PHF24: variants seen among roughly 807,000 people sequenced by gnomAD.
PHF24 encodes Galpha inhibitory interacting protein.
Under a neutral mutation model 42.6 loss-of-function variants are expected in PHF24, and 25 were observed. The observed-to-expected ratio is 0.59, with a 90% confidence interval of 0.43 to 0.82. PHF24 has a LOEUF of 0.82. Ranked by LOEUF, PHF24 falls within the 40% of genes least tolerant of loss-of-function variation. The pLI is 0.00. For synonymous variants in PHF24, 185 were observed against 204.8 expected, an observed-to-expected ratio of 0.90 and a Z score of 0.83; for missense variants, 470 against 538.1, an observed-to-expected ratio of 0.87 and a Z score of 1.25.
the PHF24 span, among the ~76,000 whole-genome samples, chr9:34,882,514 G>A: frequency 1.3e-5 from 2 of 152,004 alleles, no homozygotes; most frequent in Non-Finnish European, 2.9e-5. Flanking sequence ...CTTCAGCAAA[G>A]TCTCAGAATA....
the PHF24 span, among the ~76,000 whole-genome samples, chr9:34,844,267 G>C: frequency 6.6e-6 from 1 of 151,334 alleles, no homozygotes; most frequent in East Asian, 1.9e-4. Context: ...ATTTTTTGTT[G>C]TTTTTCTAGT....
At chr9:34,901,337 T>C in the PHF24 span, among the ~76,000 whole-genome samples, 1 of 152,182 alleles carries the variant, frequency 6.6e-6, no homozygotes, top group East Asian at 1.9e-4. Flanking sequence ...AATGCAAAAG[T>C]TCTTAACATT....
At chr9:34,932,166 TACC>T in the PHF24 span, among the ~76,000 whole-genome samples, 1 of 152,168 alleles carries the variant, frequency 6.6e-6, no homozygotes, top group African/African-American at 2.4e-5. Context: ...CTATCATCTG[TACC>T]TGCTTTTTTC....
At chr9:34,810,072 C>T in the PHF24 span, among the ~76,000 whole-genome samples, 2 of 151,958 alleles carry the variant, frequency 1.3e-5, no homozygotes, top group African/African-American at 4.8e-5. Context: ...TGCATGCTGT[C>T]CGCCCTCAGC....
chr9:34,895,132 C>A, the PHF24 span: 1 of 398,486 alleles, frequency 2.5e-6, no homozygotes, highest in Non-Finnish European at 4.4e-6. Context: ...CCATTTTTTC[C>A]CATATCTAAA....
the PHF24 span, among the ~76,000 whole-genome samples, chr9:34,687,579 G>C: frequency 1.6e-4 from 25 of 152,334 alleles, no homozygotes; most frequent in African/African-American, 6.0e-4. Flanking sequence ...TGGCGGCAGT[G>C]TCATGGAGGT....
chr9:34,760,628 G>T, the PHF24 span, among the ~76,000 whole-genome samples: 1 of 152,144 alleles, frequency 6.6e-6, no homozygotes. Context: ...AGCGGTAGAC[G>T]GCAGCCAGAG....
chr9:34,973,069 C>T (rs1405957655), intron 3 of PHF24, among the ~76,000 whole-genome samples: 45 of 152,136 alleles, frequency 3.0e-4, no homozygotes, highest in Non-Finnish European at 1.0e-4. Context: ...TGGCCTTAAT[C>T]CCCTAGATGC....
At chr9:34,813,090 G>A in the PHF24 span, among the ~76,000 whole-genome samples, 1 of 152,176 alleles carries the variant, frequency 6.6e-6, no homozygotes, top group African/African-American at 2.4e-5. Flanking sequence ...TTCCTGCCTA[G>A]GGCTTCAGAT....
the PHF24 span, chr9:34,895,757 C>CT: frequency 2.0e-5 from 8 of 401,626 alleles, no homozygotes; most frequent in East Asian, 7.1e-5. Flanking sequence ...TCTCCCTAGT[C>CT]TTTCACTGTC....
At chr9:34,722,227 G>C in the PHF24 span, among the ~76,000 whole-genome samples, 1 of 152,138 alleles carries the variant, frequency 6.6e-6, no homozygotes, top group Non-Finnish European at 1.5e-5. Flanking sequence ...CAGTAGAGAG[G>C]GTGAGAAGTG....
At chr9:34,957,184 T>C (rs2132834757), upstream of PHF24, among the ~76,000 whole-genome samples, 1 of 152,330 alleles carries the variant, frequency 6.6e-6, no homozygotes, top group African/African-American at 2.4e-5. Context: ...TATTGGTAAA[T>C]TCCATGTTAA....
At chr9:34,967,560 G>T (rs1394387440) in intron 1 of PHF24, among the ~76,000 whole-genome samples, 1 of 152,180 alleles carries the variant, frequency 6.6e-6, no homozygotes, top group Non-Finnish European at 1.5e-5. Context: ...ATAAAAATAT[G>T]CTCAAATAAA....
chr9:34,672,216 C>T, the PHF24 span, among the ~76,000 whole-genome samples: 2 of 152,112 alleles, frequency 1.3e-5, no homozygotes, highest in Non-Finnish European at 2.9e-5. Flanking sequence ...GGGCTGTCAG[C>T]TACAGTGCTC....
At chr9:34,941,681 C>T in the PHF24 span, among the ~76,000 whole-genome samples, 3,855 of 152,180 alleles carry the variant, frequency 0.025, 143 homozygotes, top group African/African-American at 0.086. Flanking sequence ...TGGTGAGGAC[C>T]CTATTTTTCC....
At chr9:34,938,259 G>T in the PHF24 span, among the ~76,000 whole-genome samples, 1 of 152,232 alleles carries the variant, frequency 6.6e-6, no homozygotes, top group Non-Finnish European at 1.5e-5. Context: ...GTGAGGGGAA[G>T]TTCAGCAAAG....
chr9:34,692,239 C>T, the PHF24 span, among the ~76,000 whole-genome samples: 7 of 152,230 alleles, frequency 4.6e-5, no homozygotes, highest in Middle Eastern at 3.4e-3. Flanking sequence ...TAGCTTCTTT[C>T]CATTCATTAA....
At chr9:34,709,297 G>C in the PHF24 span, 37 of 1,452,024 alleles carry the variant, frequency 2.5e-5, no homozygotes, top group Non-Finnish European at 2.9e-5. Context: ...GGCTGCTCCA[G>C]GGCCCCTGAG....
the PHF24 span, among the ~76,000 whole-genome samples, chr9:34,874,697 A>G: frequency 2.0e-5 from 3 of 152,208 alleles, no homozygotes; most frequent in Admixed American, 2.0e-4. Context: ...GCAGGTCAGA[A>G]AGGATCAGCC....
Sources: allele counts gnomAD v4.1 joint callset (sites outside exome capture counted in the v4.1 genomes callset), GRCh38; gene constraint gnomAD v4.1.1; transcripts MANE v1.5; gene names NCBI Gene and HGNC (gene_info 2026-07-23, HGNC 2026-07-21).